The following MTSS1 variants were observed in gnomAD, a reference collection of about 807,000 sequenced individuals.
The protein encoded by MTSS1 is MTSS I-BAR domain containing 1.
MTSS1 carries 18 observed loss-of-function variants against 79.0 expected under a neutral mutation model. The ratio of observed to expected loss-of-function variants is 0.23; its 90% confidence interval spans 0.16 to 0.34. The LOEUF is 0.34. MTSS1 is among the 10% of genes least tolerant of loss of function. The pLI, the probability that MTSS1 is intolerant of heterozygous loss-of-function variation, is 1.00. For synonymous variants in MTSS1, 341 were observed against 368.6 expected, an observed-to-expected ratio of 0.93 and a Z score of 0.86; for missense variants, 815 against 986.2, an observed-to-expected ratio of 0.83 and a Z score of 2.33.
At position 124,716,169 on chromosome 8, in the gene MTSS1, G is replaced by A. The variant is rs530186466; in HGVS notation, c.72+11715C>T. On this transcript the variant is annotated intron_variant, in intron 1 of 13. Transcript: ENST00000518547. ...GGAACTGCAGATCCCAAAGCCCCAA[G>A]GGCAGCATACTCGAGATATAAAGTG... Among the ~76,000 whole-genome samples, 510 of 145,356 alleles carry A rather than the reference G, an allele frequency of 3.5e-3. 1 individual carries two copies. The highest frequency in any genetic ancestry group is 5.7e-3 in the Non-Finnish European group (361 of 63,008).
At chr8:124,657,487 AAAAAG>A (rs1383689364) in intron 3 of MTSS1, among the ~76,000 whole-genome samples, 1 of 152,018 alleles carries the variant, frequency 6.6e-6, no homozygotes, top group Non-Finnish European at 1.5e-5. Flanking sequence ...AAAAAAAAAA[AAAAAG>A]AAGAGGACAC....
At chr8:124,693,588 C>T (rs1828304639) in intron 3 of MTSS1, among the ~76,000 whole-genome samples, 1 of 152,214 alleles carries the variant, frequency 6.6e-6, no homozygotes, top group Non-Finnish European at 1.5e-5. Flanking sequence ...GATCCAGACT[C>T]ACTGATTAAA....
At chr8:124,629,346 C>G (rs558126232) in intron 3 of MTSS1, among the ~76,000 whole-genome samples, 4 of 151,112 alleles carry the variant, frequency 2.6e-5, no homozygotes, top group African/African-American at 9.7e-5. Context: ...AACCCAGTCT[C>G]TACTAAAAAA....
intron 1 of MTSS1, among the ~76,000 whole-genome samples, chr8:124,713,957 G>A (rs1312588573): frequency 6.6e-6 from 1 of 152,204 alleles, no homozygotes; most frequent in Non-Finnish European, 1.5e-5. Flanking sequence ...ATGTTGCCCA[G>A]GCTGGTCTCG....
chr8:124,606,548 C>T (rs1410603290), intron 3 of MTSS1, among the ~76,000 whole-genome samples: 1 of 152,154 alleles, frequency 6.6e-6, no homozygotes, highest in Admixed American at 6.5e-5. Context: ...GAATTTACAT[C>T]CAGGGCTGAG....
chr8:124,711,387 C>A (rs148042116), intron 1 of MTSS1, among the ~76,000 whole-genome samples: 12 of 152,282 alleles, frequency 7.9e-5, no homozygotes, highest in South Asian at 2.1e-4. Flanking sequence ...GAAACTGATG[C>A]CCAGAGAGGT....
chr8:124,651,191 G>A (rs575099510), intron 3 of MTSS1, among the ~76,000 whole-genome samples: 2 of 152,134 alleles, frequency 1.3e-5, no homozygotes, highest in South Asian at 4.1e-4. Flanking sequence ...TATGACCTAA[G>A]AAAGGCCACC....
intron 1 of MTSS1, among the ~76,000 whole-genome samples, chr8:124,722,996 AAT>A (rs1833167031): frequency 6.6e-6 from 1 of 152,198 alleles, no homozygotes; most frequent in South Asian, 2.1e-4. Context: ...CTAATGAATC[AAT>A]AGTTTCAACC....
rs1304135763 is a variant in MTSS1, at chr8:124,604,575, T to C, written c.209-13340A>G. 7.5e-4 allele frequency among the ~76,000 whole-genome samples: 114 copies of C among 152,072 alleles called. 1 individual carries two copies. Among genetic ancestry groups the C allele is most frequent in the Admixed American group, 7.3e-3 (111 of 15,272 alleles). On this transcript the variant is annotated intron_variant, in intron 3 of 13. Transcript: ENST00000518547. Reference sequence around the variant, plus strand: ...TTAATCTTCAAGGAAGAGAAAAACATGCAGAAAATTTCCTGTGTGGTTTTT... The same window carrying C: ...TTAATCTTCAAGGAAGAGAAAAACACGCAGAAAATTTCCTGTGTGGTTTTT...
chr8:124,592,212 C>A (rs901354994), intron 3 of MTSS1, among the ~76,000 whole-genome samples: 3 of 152,164 alleles, frequency 2.0e-5, no homozygotes, highest in Non-Finnish European at 4.4e-5. Flanking sequence ...TTCAGGCACA[C>A]CTTCTCTAAC....
intron 1 of MTSS1, among the ~76,000 whole-genome samples, chr8:124,719,370 C>G (rs888047969): frequency 6.6e-6 from 1 of 152,186 alleles, no homozygotes; most frequent in African/African-American, 2.4e-5. Context: ...CAGTTCCGAG[C>G]GAGGGTGTCA....
At chr8:124,559,991 C>T (rs960853976) in intron 10 of MTSS1, among the ~76,000 whole-genome samples, 4 of 152,152 alleles carry the variant, frequency 2.6e-5, no homozygotes, top group Admixed American at 6.5e-5. Context: ...ACAGAGATTT[C>T]GCTTTCCTGT....
At chr8:124,662,205 G>A (rs1022145741) in intron 3 of MTSS1, among the ~76,000 whole-genome samples, 3 of 151,950 alleles carry the variant, frequency 2.0e-5, no homozygotes, top group Non-Finnish European at 2.9e-5. Context: ...ATAATTCCGG[G>A]TGCCTACCTC....
chr8:124,604,263 A>T (rs1279819934), intron 3 of MTSS1, among the ~76,000 whole-genome samples: 1 of 152,164 alleles, frequency 6.6e-6, no homozygotes, highest in African/African-American at 2.4e-5. Context: ...CCGTTTCAAG[A>T]AAGTTGATGA....
chr8:124,667,567 C>G (rs1024601391), intron 3 of MTSS1, among the ~76,000 whole-genome samples: 5 of 152,102 alleles, frequency 3.3e-5, no homozygotes, highest in Admixed American at 6.5e-5. Context: ...TTGCTTGAAC[C>G]CGGGAAGCAA....
intron 1 of MTSS1, among the ~76,000 whole-genome samples, chr8:124,716,790 C>G (rs569940906): frequency 6.6e-6 from 1 of 152,218 alleles, no homozygotes; most frequent in Admixed American, 6.5e-5. Flanking sequence ...CCACATCTAG[C>G]TCCTTTAGAT....
chr8:124,646,530 T>G (rs1277097867), intron 3 of MTSS1, among the ~76,000 whole-genome samples: 1 of 152,222 alleles, frequency 6.6e-6, no homozygotes, highest in Non-Finnish European at 1.5e-5. Context: ...TTTCATAATT[T>G]AGACAACTTG....
Position 124,555,758 on chromosome 8 carries a change from G to A in MTSS1, c.1551C>T (p.Asp517=). Reference sequence around the variant, plus strand: ...GCCTCGTACCTTGGGAAGGGATGGTGTCCTCAGAGCAGCAGGGGGTGGTTG... The same window carrying A: ...GCCTCGTACCTTGGGAAGGGATGGTATCCTCAGAGCAGCAGGGGGTGGTTG... ...TQTTTPCCSE[D]TIPSQVSDYD... The change falls in exon 13 of 14, where the codon GAC becomes GAT. Residue 517 remains aspartate, a synonymous_variant. Transcript: ENST00000518547. 6.2e-7 allele frequency: 1 copy of A among 1,611,466 alleles called. No homozygotes were observed. The highest frequency in any genetic ancestry group is 8.5e-7 in the Non-Finnish European group (1 of 1,178,694).
At chr8:124,554,886 C>T (rs1008950765) in intron 13 of MTSS1, among the ~76,000 whole-genome samples, 2 of 152,162 alleles carry the variant, frequency 1.3e-5, no homozygotes, top group African/African-American at 4.8e-5. Context: ...TTTTGTTGCC[C>T]AGGCTGGAGT....
Sources: allele counts gnomAD v4.1 joint callset (sites outside exome capture counted in the v4.1 genomes callset), GRCh38; gene constraint gnomAD v4.1.1; transcripts MANE v1.5; gene names NCBI Gene and HGNC (gene_info 2026-07-23, HGNC 2026-07-21).